RYR3: variants seen among roughly 807,000 people sequenced by gnomAD.
RYR3 encodes the protein ryanodine receptor 3.
RYR3 carries 207 observed loss-of-function variants against 584.3 expected under a neutral mutation model. The ratio of observed to expected loss-of-function variants is 0.35; its 90% CI spans 0.32 to 0.40. The LOEUF (loss-of-function observed/expected upper bound fraction) is 0.40, where lower values mean the gene tolerates loss of function less well. RYR3 is among the 10% of genes least tolerant of loss of function. The pLI, the probability that RYR3 is intolerant of heterozygous loss-of-function variation, is 1.00. For missense variants in RYR3, 5,616 were observed against 6,089.2 expected, an observed-to-expected ratio of 0.92 and a Z score of 2.59; for synonymous variants, 2,416 against 2,248.5, an observed-to-expected ratio of 1.07 and a Z score of -2.11.
intron 70 of RYR3, among the ~76,000 whole-genome samples, chr15:33,809,705 G>A (rs1326086194): frequency 2.0e-5 from 3 of 150,980 alleles, no homozygotes; most frequent in African/African-American, 7.3e-5. Flanking sequence ...GCGTGATCTC[G>A]GCTCGCTGCA....
Position 33,722,770 on chromosome 15 carries a change from A to C in RYR3, c.6675A>C (p.Pro2225=), listed in dbSNP as rs762282512. The C allele has an allele frequency of 1.1e-5, 18 of 1,613,376 alleles. No individual in the cohort carries two copies. Among genetic ancestry groups the C allele is most frequent in the Non-Finnish European group, 4.2e-6 (5 of 1,179,718 alleles). The change falls in exon 44 of 104, where the codon CCA becomes CCC. Residue 2225 remains proline (P), a synonymous_variant. Transcript: ENST00000634891. ...TGGTCAAGCTGCTCATCAGACGCCC[A>C]GAGTGCTTCGGCCCGGCCCTGCGGG... is the stretch of plus-strand genomic sequence containing the variant. The part of the protein sequence containing the change: ...SVVVKLLIRR[P]ECFGPALRGE...
At position 33,701,067 on chromosome 15, in the gene RYR3, C is replaced by T. The variant is rs778405543; in HGVS notation, c.6470C>T (p.Pro2157Leu). 6.2e-7 allele frequency: 1 copy of T among 1,611,984 alleles called. No homozygotes were observed. Among genetic ancestry groups the T allele is most frequent in the South Asian group, 1.1e-5 (1 of 90,456 alleles). ...GAGTTAGCGCTGAGCTTAGAGGAAC[C>T]AGACCTCGAGAAGGTAACCGGCCCT... ...NNELALSLEE[P>L]DLEKVVTYLA... is the part of the protein sequence containing the mutation. Residue 2157 changes from proline (P) to leucine (L), a missense_variant, in exon 42 of 104, where the codon CCA (proline) becomes CTA (leucine). This residue lies in a region of RYR3 where 1,280 missense variants were observed against 1,426.2 expected (regional missense o/e 0.90). Transcript: ENST00000634891.
rs773803258 is a variant in RYR3, at chr15:33,635,835, T to C, written c.3381+16T>C. ...AGGCAACAGGGTGAGTTTATATATC[T>C]AGCAAACACCCATCCTCAGACCAAG... On this transcript the variant is annotated intron_variant, in intron 26 of 103. Coordinates refer to ENST00000634891, the MANE Select transcript of RYR3 (RefSeq NM_001036.6). 6.9e-6 allele frequency: 11 copies of C among 1,599,016 alleles called. No individual in the cohort carries two copies. Among genetic ancestry groups the C allele is most frequent in the Admixed American group, 1.7e-5 (1 of 59,134 alleles).
At chr15:33,757,949 A>T in intron 60 of RYR3, 1 of 270,136 alleles carries the variant, frequency 3.7e-6, no homozygotes, top group Non-Finnish European at 7.2e-6. Flanking sequence ...TACCCAGTTC[A>T]TCTCATTGGG....
At chr15:33,752,526 CTGTT>C (rs1481733547) in intron 57 of RYR3, among the ~76,000 whole-genome samples, 6 of 151,504 alleles carry the variant, frequency 4.0e-5, no homozygotes, top group Admixed American at 2.6e-4. Flanking sequence ...ATTTGGCTCT[CTGTT>C]TGTCTTTTAT....
intron 10 of RYR3, among the ~76,000 whole-genome samples, chr15:33,551,423 G>T (rs1786486798): frequency 6.6e-6 from 1 of 152,212 alleles, no homozygotes; most frequent in Admixed American, 6.5e-5. Flanking sequence ...GGGCATCTCT[G>T]CTTCCTAATG....
intron 38 of RYR3, among the ~76,000 whole-genome samples, chr15:33,693,920 G>A (rs779886649): frequency 2.0e-5 from 3 of 152,282 alleles, no homozygotes; most frequent in Admixed American, 1.3e-4. Flanking sequence ...CAGAGTGCCC[G>A]GACTAGGCCC....
At chr15:33,612,617 C>T (rs1279764311) in intron 18 of RYR3, among the ~76,000 whole-genome samples, 3 of 152,188 alleles carry the variant, frequency 2.0e-5, no homozygotes, top group Non-Finnish European at 4.4e-5. Flanking sequence ...GCCTCAGCCT[C>T]CGGAAGTGCT....
chr15:33,857,408 C>CA (rs1555495886), intron 98 of RYR3, among the ~76,000 whole-genome samples: 4 of 151,758 alleles, frequency 2.6e-5, no homozygotes, highest in African/African-American at 9.7e-5. Context: ...AGATTGGTTG[C>CA]GGGCCCATCT....
At chr15:33,494,646 C>T (rs939820354) in intron 2 of RYR3, among the ~76,000 whole-genome samples, 2 of 134,794 alleles carry the variant, frequency 1.5e-5, no homozygotes, top group African/African-American at 2.4e-5. Flanking sequence ...CTGACATCTT[C>T]CTCCCCACCT....
chr15:33,437,117 AGTGTGTGT>A (rs71415518), intron 1 of RYR3, among the ~76,000 whole-genome samples: 2,255 of 149,546 alleles, frequency 0.015, 57 homozygotes, highest in African/African-American at 0.052. Flanking sequence ...AGAGAGATAG[AGTGTGTGT>A]GTGTGTGTGT....
chr15:33,780,431 T>C, intron 65 of RYR3, 90 bp downstream of exon 65: 1 of 1,392,008 alleles, frequency 7.2e-7, no homozygotes, highest in Non-Finnish European at 9.8e-7. Flanking sequence ...CCTGCAGCAC[T>C]GTGGCTTTCT....
At chr15:33,765,056 C>T (rs1329379807) in intron 60 of RYR3, among the ~76,000 whole-genome samples, 1 of 123,850 alleles carries the variant, frequency 8.1e-6, no homozygotes, top group Non-Finnish European at 1.7e-5. Context: ...AAAAAGACAT[C>T]ATACAAGTCC....
rs1344079271 is a variant in RYR3, at chr15:33,548,153, G to A, written c.764G>A (p.Gly255Glu). The A allele has an allele frequency of 1.5e-5, 24 of 1,612,762 alleles. No individual in the cohort carries two copies. Among genetic ancestry groups the A allele is most frequent in the Non-Finnish European group, 2.0e-5 (24 of 1,179,374 alleles). ...AGGAGGATATTCTACGAAGCTGGGGGAGCTGGGACTCGAGCCAGGTCTCTT... is the reference window on the plus strand; with the variant it reads ...AGGAGGATATTCTACGAAGCTGGGGAAGCTGGGACTCGAGCCAGGTCTCTT... ...QHRRIFYEAG[G>E]AGTRARSLWR... The change falls in exon 9 of 104, where the codon GGA (glycine) becomes GAA (glutamate). Residue 255 changes from glycine (G) to glutamate (E), a missense_variant. Transcript: ENST00000634891.
chr15:33,392,263 A>C (rs1469893885), intron 1 of RYR3, among the ~76,000 whole-genome samples: 3 of 151,152 alleles, frequency 2.0e-5, no homozygotes, highest in Non-Finnish European at 4.4e-5. Flanking sequence ...GTCTCGTTGC[A>C]TGCGTCAGTG....
chr15:33,434,635 C>T (rs970862926), intron 1 of RYR3, among the ~76,000 whole-genome samples: 2 of 152,044 alleles, frequency 1.3e-5, no homozygotes, highest in African/African-American at 2.4e-5. Flanking sequence ...ACTGAACACT[C>T]GCATACTTGC....
chr15:33,533,581 G>T (rs2055061706), intron 5 of RYR3, among the ~76,000 whole-genome samples, 192 bp downstream of exon 5: 1 of 152,124 alleles, frequency 6.6e-6, no homozygotes, highest in Non-Finnish European at 1.5e-5. Context: ...TAAGAATGAA[G>T]GAGAACATAA....
chr15:33,451,465 G>T (rs923779694), intron 1 of RYR3, among the ~76,000 whole-genome samples: 1 of 146,544 alleles, frequency 6.8e-6, no homozygotes. Context: ...CCTAAATTTT[G>T]GGGAAAAAAA....
rs779158082 is a variant in RYR3, at chr15:33,818,662, C to A, written c.10684C>A (p.Arg3562Ser). 2 of 1,613,730 alleles carry A rather than the reference C, an allele frequency of 1.2e-6. No homozygotes were observed. Among genetic ancestry groups the A allele is most frequent in the South Asian group, 2.2e-5 (2 of 91,040 alleles). Reference sequence around the variant, plus strand: ...ACATCAGATCATTCTCTATTTTAGCCGCAACGCTCTCACGGAGAGGAGGTC... The same window carrying A: ...ACATCAGATCATTCTCTATTTTAGCAGCAACGCTCTCACGGAGAGGAGGTC... ...PLHQIILYFS[R>S]NALTERSKLE... The change falls in exon 76 of 104, where the codon CGC becomes AGC. Residue 3562 changes from arginine to serine, a missense_variant. Arg to Ser is a moderately radical substitution (Grantham distance 110). Coordinates refer to ENST00000634891, the MANE Select transcript of RYR3 (RefSeq NM_001036.6).
Sources: gnomAD v4.1 joint callset for allele counts (sites outside exome capture counted in the v4.1 genomes callset) on GRCh38, gnomAD v4.1.1 for gene constraint, gnomAD v4.1.1 regional missense constraint, MANE v1.5 for transcripts, NCBI Gene and HGNC (gene_info 2026-07-23, HGNC 2026-07-21) for gene names.